POLQ: variants seen among roughly 807,000 people sequenced by gnomAD.
The protein encoded by POLQ is DNA polymerase theta.
A neutral mutation model predicts 259.2 loss-of-function variants in POLQ; 233 were observed. The ratio of observed to expected loss-of-function variants is 0.90; its 90% CI spans 0.81 to 1.00. The LOEUF is 1.00. Ranked by LOEUF, POLQ falls within the 50% of genes least tolerant of loss-of-function variation. The pLI is 0.00. For missense variants in POLQ, 2,871 were observed against 3,051.6 expected, an observed-to-expected ratio of 0.94 and a Z score of 1.39; for synonymous variants, 1,025 against 1,048.8, an observed-to-expected ratio of 0.98 and a Z score of 0.44.
At chr3:121,456,400 A>G (rs1576403282) in intron 25 of POLQ, among the ~76,000 whole-genome samples, 1 of 152,066 alleles carries the variant, frequency 6.6e-6, no homozygotes, top group East Asian at 1.9e-4. Context: ...AGGCAGGAGA[A>G]GGAAATAAAG....
At chr3:121,495,200 G>A (rs1263323641) in intron 14 of POLQ, among the ~76,000 whole-genome samples, 2 of 152,144 alleles carry the variant, frequency 1.3e-5, no homozygotes, top group Non-Finnish European at 2.9e-5. Context: ...GAACTTGGGA[G>A]GCGGGGGTTG....
chr3:121,472,812 T>C (rs549372651), intron 21 of POLQ, among the ~76,000 whole-genome samples: 1 of 152,354 alleles, frequency 6.6e-6, no homozygotes, highest in South Asian at 2.1e-4. Context: ...TACCCTATTT[T>C]TCCCCTGAAA....
Position 121,431,593 on chromosome 3 carries a change from T to C in POLQ, c.*711A>G, listed in dbSNP as rs1170225345. ...GGGGTATTTTCTGTCTCTGGCAGTATTATATTGACCTGCAATAAAAACATC... is the reference window on the plus strand; with the variant it reads ...GGGGTATTTTCTGTCTCTGGCAGTACTATATTGACCTGCAATAAAAACATC... On this transcript the variant is annotated 3_prime_UTR_variant, in exon 30 of 30. Transcript: ENST00000264233. 6.6e-6 allele frequency: 1 copy of C among 152,630 alleles called. No homozygotes were observed. The highest frequency in any genetic ancestry group is 6.5e-5 in the Admixed American group (1 of 15,278). The allele number at this position is 152,630 out of a possible 1,614,324, so 9.5% of individuals were successfully genotyped here.
intron 7 of POLQ, among the ~76,000 whole-genome samples, chr3:121,523,545 CT>C (rs558880968): frequency 6.8e-4 from 103 of 151,754 alleles, no homozygotes; most frequent in Middle Eastern, 3.4e-3. Context: ...AATCCCATCT[CT>C]AAAAAAAAAT....
Position 121,510,110 on chromosome 3 carries a change from A to T in POLQ, c.1745T>A (p.Ile582Asn). ...TAGTAGCCACATCACACAGGCCTCA[A>T]TCGCTCCAAGCTGAACAGACTCTTG... ...RNQESVQLGA[I>N]EACVMWLLEN... Residue 582 changes from isoleucine (I) to asparagine (N), a missense_variant, in exon 11 of 30, where the codon ATT (isoleucine) becomes AAT (asparagine). Ile to Asn is a moderately radical substitution (Grantham distance 149). Around this residue, in one of 3 missense-constraint regions of POLQ, gnomAD observed 783 missense variants for 906.2 expected, o/e 0.86. Transcript: ENST00000264233. The T allele has an allele frequency of 6.2e-7, 1 of 1,613,980 alleles. No individual in the cohort carries two copies. Among genetic ancestry groups the T allele is most frequent in the Non-Finnish European group, 8.5e-7 (1 of 1,179,868 alleles).
At chr3:121,502,107 T>G (rs141985829) in intron 12 of POLQ, among the ~76,000 whole-genome samples, 1 of 152,170 alleles carries the variant, frequency 6.6e-6, no homozygotes, top group Admixed American at 6.5e-5. Context: ...GGAAATTATG[T>G]GGGTACATAT....
In POLQ at chr3:121,539,575, T is replaced by G. The variant is rs1306226624; in HGVS notation, c.489A>C (p.Glu163Asp). 1.9e-6 allele frequency: 3 copies of G among 1,612,546 alleles called. No homozygotes were observed. In the African/African-American group the frequency reaches 4.0e-5, roughly 22 times the overall value. The stretch of plus-strand genomic sequence containing the variant: ...TATAACCGTCTACTTTTATTCCTAC[T>G]TCCTGAAACAGACTCTGAATTGAGT... ...KKYYLQSLFQEVGIKVDGYMG... is the reference protein window; with the variant it reads ...KKYYLQSLFQDVGIKVDGYMG... The change falls in exon 4 of 30, where the codon GAA becomes GAC. Residue 163 changes from glutamate (E) to aspartate (D), a missense_variant. Coordinates refer to ENST00000264233, the MANE Select transcript of POLQ (RefSeq NM_199420.4).
intron 2 of POLQ, among the ~76,000 whole-genome samples, chr3:121,543,961 C>T (rs138332890): frequency 2.4e-4 from 36 of 148,518 alleles, no homozygotes; most frequent in African/African-American, 8.0e-4. Context: ...CCAGTCTGGG[C>T]GACAGAGCAA....
intron 3 of POLQ, among the ~76,000 whole-genome samples, chr3:121,540,248 T>A (rs996958902): frequency 6.6e-6 from 1 of 152,170 alleles, no homozygotes; most frequent in Admixed American, 6.5e-5. Context: ...ATTCATTCAA[T>A]AAAATTTTCC....
rs942635285 is a variant in POLQ, at chr3:121,489,893, T to G, written c.3038A>C (p.Lys1013Thr). 2 of 1,601,070 alleles carry G rather than the reference T, an allele frequency of 1.2e-6. No homozygotes were observed. Among genetic ancestry groups the G allele is most frequent in the Non-Finnish European group, 1.7e-6 (2 of 1,176,948 alleles). Residue 1013 changes from lysine (K) to threonine (T), a missense_variant, in exon 16 of 30, where the codon AAG becomes ACG. Lys to Thr is a moderately conservative substitution (Grantham distance 78). Transcript: ENST00000264233. ...ASQNEGKTSDKKVVQTFSQKT... is the reference protein window; with the variant it reads ...ASQNEGKTSDTKVVQTFSQKT... The stretch of plus-strand genomic sequence containing the variant: ...CTGTGAAAAAGTCTGAACAACTTTC[T>G]TATCACTTGTTTTCCCCTCATTCTG...
At position 121,541,456 on chromosome 3, in the gene POLQ, G is replaced by C; in HGVS notation, c.367C>G (p.Leu123Val). The stretch of plus-strand genomic sequence containing the variant: ...TTCAAAATAAGTAATTCTGCCACAA[G>C]AGTCTTCCCAGCACTTGTAGGAGCT... ...YSAPTSAGKT[L>V]VAELLILKRV... is the part of the protein sequence containing the mutation. Residue 123 changes from leucine to valine, a missense_variant, in exon 3 of 30, where the codon CTT becomes GTT. Transcript: ENST00000264233. 1 of 1,609,754 alleles carries C rather than the reference G, an allele frequency of 6.2e-7. No individual in the cohort carries two copies. The highest frequency in any genetic ancestry group is 8.5e-7 in the Non-Finnish European group (1 of 1,178,142).
At chr3:121,461,456 T>A (rs560483098) in intron 24 of POLQ, among the ~76,000 whole-genome samples, 1 of 151,970 alleles carries the variant, frequency 6.6e-6, no homozygotes, top group East Asian at 1.9e-4. Context: ...ATCGAGACCA[T>A]CCTGGCCAAC....
At chr3:121,496,533 C>G (rs1241246555) in intron 14 of POLQ, among the ~76,000 whole-genome samples, 2 of 151,832 alleles carry the variant, frequency 1.3e-5, no homozygotes, top group Non-Finnish European at 2.9e-5. Flanking sequence ...TTTCTTCTTG[C>G]AACAGGAAAA....
chr3:121,483,370 A>C lies in POLQ; in HGVS notation c.5970+16T>G. 2 of 1,435,212 alleles carry C rather than the reference A, an allele frequency of 1.4e-6. No homozygotes were observed. The highest frequency in any genetic ancestry group is 1.9e-6 in the Non-Finnish European group (2 of 1,075,356). The allele number at this position is 1,435,212 out of a possible 1,614,324, so 88.9% of individuals were successfully genotyped here. A position where few individuals can be genotyped will look rare whatever the true frequency, so the allele number is the denominator to read the frequency against. On this transcript the variant is annotated intron_variant, in intron 18 of 29. Transcript: ENST00000264233. Reference sequence around the variant, plus strand: ...ATGTTGTTTTAAGTATATAAAAATTAAATTAGACATAGAACCTTAGGATCT... The same window carrying C: ...ATGTTGTTTTAAGTATATAAAAATTCAATTAGACATAGAACCTTAGGATCT...
intron 1 of POLQ, 78 bp from the exon 2 acceptor site, chr3:121,544,984 TG>T: frequency 4.7e-6 from 4 of 854,112 alleles, no homozygotes; most frequent in South Asian, 1.9e-5. Flanking sequence ...CACCGTGTGT[TG>T]GAATTCCTAT....
chr3:121,446,209 C>T (rs2047631360), intron 26 of POLQ, among the ~76,000 whole-genome samples: 1 of 152,098 alleles, frequency 6.6e-6, no homozygotes, highest in Non-Finnish European at 1.5e-5. Flanking sequence ...ACTGGTCACT[C>T]AAGAGCATAT....
At chr3:121,524,941 C>T (rs1576426374) in intron 7 of POLQ, among the ~76,000 whole-genome samples, 1 of 31,446 alleles carries the variant, frequency 3.2e-5, no homozygotes, top group African/African-American at 6.6e-5. Flanking sequence ...TATAAATACA[C>T]ACACACACAC....
intron 19 of POLQ, among the ~76,000 whole-genome samples, chr3:121,477,528 C>T (rs1362863247): frequency 2.0e-5 from 3 of 152,120 alleles, no homozygotes; most frequent in African/African-American, 7.2e-5. Context: ...GCAGACTTAA[C>T]TTATATATTA....
chr3:121,522,420 T>TC, intron 7 of POLQ, among the ~76,000 whole-genome samples: 1 of 147,016 alleles, frequency 6.8e-6, no homozygotes, highest in East Asian at 2.1e-4. Flanking sequence ...CACGCCATTC[T>TC]CCTGCCTCAG....
Sources: gnomAD v4.1 joint callset for allele counts (sites outside exome capture counted in the v4.1 genomes callset) on GRCh38, gnomAD v4.1.1 for gene constraint, gnomAD v4.1.1 regional missense constraint, MANE v1.5 for transcripts, NCBI Gene and HGNC (gene_info 2026-07-23, HGNC 2026-07-21) for gene names.